Variants in NKAIN2 observed in about 807,000 individuals in gnomAD.
The protein encoded by NKAIN2 is sodium/potassium-transporting ATPase subunit beta-1-interacting protein 2.
NKAIN2 carries 14 observed loss-of-function variants against 32.6 expected under a neutral mutation model. That is an observed-to-expected ratio of 0.43 (90% CI 0.28 to 0.67). The LOEUF (loss-of-function observed/expected upper bound fraction) is 0.67. Among genes scored for constraint, NKAIN2 ranks in the 30% least tolerant of loss-of-function variants. The pLI, the probability that NKAIN2 is intolerant of heterozygous loss-of-function variation, is 0.17. For missense variants in NKAIN2, 198 were observed against 258.3 expected (o/e 0.77, Z 1.60); for synonymous variants, 80 against 87.2 (o/e 0.92, Z 0.46).
intron 4 of NKAIN2, among the ~76,000 whole-genome samples, chr6:124,668,735 A>T (rs1220519585): frequency 1.3e-5 from 2 of 152,136 alleles, no homozygotes; most frequent in Non-Finnish European, 2.9e-5. Flanking sequence ...ATAATTGTTC[A>T]CGTATTTCTC....
At chr6:124,650,397 C>T (rs1226766663) in intron 3 of NKAIN2, among the ~76,000 whole-genome samples, 1 of 151,882 alleles carries the variant, frequency 6.6e-6, no homozygotes, top group Admixed American at 6.6e-5. Context: ...TTTATATTAC[C>T]ACACACACAC....
intron 3 of NKAIN2, among the ~76,000 whole-genome samples, chr6:124,484,217 A>G (rs1777565313): frequency 6.6e-6 from 1 of 152,238 alleles, no homozygotes; most frequent in Non-Finnish European, 1.5e-5. Flanking sequence ...GTCCTAAAAT[A>G]TTTCCATTTC....
intron 4 of NKAIN2, among the ~76,000 whole-genome samples, chr6:124,666,160 A>G (rs796594532): frequency 2.6e-5 from 4 of 152,344 alleles, no homozygotes; most frequent in African/African-American, 9.6e-5. Flanking sequence ...GTCAAAAGAT[A>G]GTAATCCAGT....
chr6:124,690,179 A>T (rs1444614296), intron 4 of NKAIN2, among the ~76,000 whole-genome samples: 2 of 152,074 alleles, frequency 1.3e-5, no homozygotes. Context: ...TGATGGATTT[A>T]TTCCTATGTA....
intron 4 of NKAIN2, among the ~76,000 whole-genome samples, chr6:124,766,826 G>T (rs9385345): frequency 0.92 from 139,979 of 152,236 alleles, 64,784 homozygotes; most frequent in East Asian, 1. Context: ...TGAAATCAGA[G>T]ATGATTGAGA....
chr6:124,699,924 A>C (rs549454346), intron 4 of NKAIN2, among the ~76,000 whole-genome samples: 21 of 152,324 alleles, frequency 1.4e-4, no homozygotes, highest in African/African-American at 5.0e-4. Flanking sequence ...TGAGAAGAGC[A>C]TATGGAATGG....
At chr6:123,908,044 A>C (rs1774978809) in intron 1 of NKAIN2, among the ~76,000 whole-genome samples, 2 of 152,288 alleles carry the variant, frequency 1.3e-5, no homozygotes, top group South Asian at 4.1e-4. Context: ...AGGTGTTTTA[A>C]GTGGCAATTA....
intron 3 of NKAIN2, among the ~76,000 whole-genome samples, chr6:124,554,786 G>A (rs748435088): frequency 1.8e-4 from 28 of 152,042 alleles, no homozygotes; most frequent in Non-Finnish European, 2.8e-4. Flanking sequence ...TTCTTCTTCC[G>A]AGATGTTTCT....
intron 5 of NKAIN2, among the ~76,000 whole-genome samples, chr6:124,814,316 G>A (rs1384419790): frequency 6.6e-6 from 1 of 152,182 alleles, no homozygotes; most frequent in Non-Finnish European, 1.5e-5. Flanking sequence ...CCTTGGCTGT[G>A]AACTCAAGCA....
At chr6:124,378,236 A>C (rs1310164049) in intron 3 of NKAIN2, among the ~76,000 whole-genome samples, 1 of 152,106 alleles carries the variant, frequency 6.6e-6, no homozygotes, top group Non-Finnish European at 1.5e-5. Flanking sequence ...CACTCCATGA[A>C]GTGGGCTTAT....
At chr6:123,832,353 G>A (rs1159430885) in intron 1 of NKAIN2, among the ~76,000 whole-genome samples, 1 of 152,094 alleles carries the variant, frequency 6.6e-6, no homozygotes, top group Admixed American at 6.5e-5. Context: ...GATTATCACA[G>A]TTTATTTATC....
chr6:124,326,892 C>A (rs564028992), intron 2 of NKAIN2, among the ~76,000 whole-genome samples: 3 of 152,222 alleles, frequency 2.0e-5, no homozygotes, highest in South Asian at 4.2e-4. Context: ...TCCCAGCTCC[C>A]CTTAGTGACC....
intron 3 of NKAIN2, among the ~76,000 whole-genome samples, chr6:124,594,204 G>T (rs1408071419): frequency 6.6e-6 from 1 of 152,222 alleles, no homozygotes; most frequent in Non-Finnish European, 1.5e-5. Context: ...AGGGTCTTAA[G>T]TACAGTGAAA....
At chr6:124,301,429 T>G (rs2753164) in intron 2 of NKAIN2, among the ~76,000 whole-genome samples, 61,915 of 152,046 alleles carry the variant, frequency 0.41, 18,049 homozygotes, top group African/African-American at 0.82. Flanking sequence ...AGCCCCTACA[T>G]TGTCCCCACT....
chr6:123,992,011 T>C (rs79390496), intron 1 of NKAIN2, among the ~76,000 whole-genome samples: 267 of 152,210 alleles, frequency 1.8e-3, no homozygotes, highest in African/African-American at 6.3e-3. Context: ...GTTTTGTTCT[T>C]ATATGTGATA....
intron 1 of NKAIN2, among the ~76,000 whole-genome samples, chr6:123,916,289 G>C (rs1029432451): frequency 6.6e-6 from 1 of 152,124 alleles, no homozygotes; most frequent in Non-Finnish European, 1.5e-5. Context: ...GTCTCATTCT[G>C]TCACCCAGGC....
rs140975492 is a variant in NKAIN2 at position 124,566,827 on chromosome 6, A to G, written c.274-91359A>G. Among the ~76,000 whole-genome samples the G allele has an allele frequency of 1.1e-3, 175 of 152,300 alleles. 1 individual carries two copies. Among genetic ancestry groups the G allele is most frequent in the African/African-American group, 4.1e-3 (172 of 41,574 alleles). ...TCACACACACACACAAAGATCTTCC[A>G]AGAAATGTGTATACTGTAACATTCA... is the stretch of plus-strand genomic sequence containing the variant. On this transcript the variant is annotated intron_variant, in intron 3 of 6. Transcript: ENST00000368417.
At chr6:124,714,358 A>G (rs570841089) in intron 4 of NKAIN2, among the ~76,000 whole-genome samples, 7 of 152,368 alleles carry the variant, frequency 4.6e-5, no homozygotes, top group Admixed American at 3.3e-4. Flanking sequence ...TGAATCTGTC[A>G]TATCAACTAG....
intron 1 of NKAIN2, among the ~76,000 whole-genome samples, chr6:124,085,562 C>A (rs1477789526): frequency 6.6e-6 from 1 of 151,502 alleles, no homozygotes; most frequent in Non-Finnish European, 1.5e-5. Flanking sequence ...TTCTTGGCCC[C>A]TGTTTCTTCA....
Sources: gnomAD v4.1 joint callset for allele counts (sites outside exome capture counted in the v4.1 genomes callset) on GRCh38, gnomAD v4.1.1 for gene constraint, MANE v1.5 for transcripts, NCBI Gene and HGNC (gene_info 2026-07-23, HGNC 2026-07-21) for gene names.